The following PTPRG variants were observed in gnomAD, a reference collection of about 807,000 sequenced individuals.
PTPRG encodes protein tyrosine phosphatase receptor type G.
A neutral mutation model predicts 165.3 loss-of-function variants in PTPRG; 102 were observed. That is an observed-to-expected ratio of 0.62 (90% CI 0.53 to 0.73). The LOEUF is 0.73. Among genes scored for constraint, PTPRG ranks in the 30% least tolerant of loss-of-function variants. The pLI is 0.00. For missense variants in PTPRG, 1,866 were observed against 1,861.4 expected (o/e 1.00, Z -0.05); for synonymous variants, 675 against 669.5 (o/e 1.01, Z -0.13).
At chr3:62,281,069 C>G (rs1041130214) in intron 26 of PTPRG, among the ~76,000 whole-genome samples, 13 of 151,944 alleles carry the variant, frequency 8.6e-5, no homozygotes, top group Admixed American at 8.5e-4. Flanking sequence ...TTATAGTAAC[C>G]TTTTTACTAT....
At position 62,214,180 on chromosome 3, in the gene PTPRG, C is replaced by A. The variant is rs751600058; in HGVS notation, c.2156-4671C>A. 2.0e-5 allele frequency among the ~76,000 whole-genome samples: 3 copies of A among 152,206 alleles called. No individual in the cohort carries two copies. The highest frequency in any genetic ancestry group is 2.9e-5 in the Non-Finnish European group (2 of 68,046). ...GTTCTGTATGACTGCCACTTACACA[C>A]TCAGATGTTACAGAGAGGAGTCAGA... is the stretch of plus-strand genomic sequence containing the variant. On this transcript the variant is annotated intron_variant, in intron 12 of 29. Transcript: ENST00000474889. This position sits in a 1 kb window ranked among gnomAD's most constrained non-coding sequence, Gnocchi z 5.2.
chr3:62,124,563 A>G (rs1467497623), intron 5 of PTPRG: 2 of 1,374,062 alleles, frequency 1.5e-6, no homozygotes, highest in South Asian at 1.2e-5. Flanking sequence ...CGGTGGTCCA[A>G]CAGGCTGTTT....
At chr3:62,001,374 A>G (rs546038829) in intron 3 of PTPRG, among the ~76,000 whole-genome samples, 1 of 152,322 alleles carries the variant, frequency 6.6e-6, no homozygotes, top group South Asian at 2.1e-4. Flanking sequence ...AAAATCAAAT[A>G]TTTATAAGAT....
intron 2 of PTPRG, among the ~76,000 whole-genome samples, chr3:61,867,831 G>T (rs1277396659): frequency 2.6e-5 from 4 of 152,170 alleles, no homozygotes; most frequent in Non-Finnish European, 5.9e-5. Flanking sequence ...CTTAACCTTT[G>T]TAAGGTGAGG....
intron 8 of PTPRG, among the ~76,000 whole-genome samples, chr3:62,178,087 A>G (rs1327169592): frequency 6.6e-6 from 1 of 152,038 alleles, no homozygotes; most frequent in Non-Finnish European, 1.5e-5. Flanking sequence ...ATGTGAATCC[A>G]TGGATGGATA....
chr3:61,879,134 T>C (rs1052041695), intron 2 of PTPRG, among the ~76,000 whole-genome samples: 3 of 152,212 alleles, frequency 2.0e-5, no homozygotes, highest in Non-Finnish European at 2.9e-5. Context: ...GTGTAAAAAT[T>C]GCTCAGAAAA....
intron 4 of PTPRG, among the ~76,000 whole-genome samples, chr3:62,032,622 A>T (rs552078500): frequency 1.3e-5 from 2 of 152,216 alleles, no homozygotes; most frequent in Admixed American, 1.3e-4. Context: ...AGCAGGATTT[A>T]CTCCTGAGTT....
intron 4 of PTPRG, among the ~76,000 whole-genome samples, chr3:62,034,340 G>A (rs1253823122): frequency 3.9e-5 from 6 of 152,182 alleles, no homozygotes; most frequent in East Asian, 3.8e-4. Flanking sequence ...GGAAACCTGC[G>A]GTGTTGGTAT....
chr3:62,197,001 G>A (rs1026692510), intron 10 of PTPRG, among the ~76,000 whole-genome samples: 5 of 152,186 alleles, frequency 3.3e-5, no homozygotes, highest in African/African-American at 1.2e-4. Flanking sequence ...GGCAGGGGGC[G>A]TTATCCAGGA....
At chr3:61,875,669 C>G (rs2037719700) in intron 2 of PTPRG, among the ~76,000 whole-genome samples, 1 of 152,128 alleles carries the variant, frequency 6.6e-6, no homozygotes, top group Admixed American at 6.5e-5. Flanking sequence ...CACACACACA[C>G]ACAGCACACA....
At chr3:61,610,856 G>C (rs2106872457) in intron 1 of PTPRG, among the ~76,000 whole-genome samples, 1 of 148,966 alleles carries the variant, frequency 6.7e-6, no homozygotes, top group Admixed American at 6.7e-5. Context: ...GCCCAGGCTG[G>C]AGTGCAATTG....
intron 2 of PTPRG, among the ~76,000 whole-genome samples, chr3:61,792,515 C>T (rs1575667152): frequency 1.3e-5 from 2 of 152,282 alleles, no homozygotes; most frequent in South Asian, 2.1e-4. Context: ...GTTGAGCCTA[C>T]ACTTAGTGGG....
At position 61,758,262 on chromosome 3, in the gene PTPRG, C is replaced by T. The variant is rs115487835; in HGVS notation, c.190+9280C>T. Among the ~76,000 whole-genome samples the T allele has an allele frequency of 5.5e-3, 830 of 152,246 alleles. 6 individuals are homozygous for T. The highest frequency in any genetic ancestry group is 0.019 in the African/African-American group (786 of 41,546). On this transcript the variant is annotated intron_variant, in intron 2 of 29. Transcript: ENST00000474889. ...TTAGCCTCTCAAAGTGCTGGGATTA[C>T]AGGCATGAGTCAGGGTACCCACCTA... is the stretch of plus-strand genomic sequence containing the variant.
Position 61,628,091 on chromosome 3 carries a change from AT to A in PTPRG, c.85+65721del, listed in dbSNP as rs534320825. Among the ~76,000 whole-genome samples the A allele has an allele frequency of 7.9e-5, 12 of 152,314 alleles. No individual in the cohort carries two copies. The East Asian group carries it at 2.3e-3, about 29-fold the overall frequency. On this transcript the variant is annotated intron_variant, in intron 1 of 29. Coordinates refer to ENST00000474889, the MANE Select transcript of PTPRG (RefSeq NM_002841.4). ...ATATCCCTAGTCTCAACATTAAGCCATTATTTCCATATTGCATCGTCTTTCA... is the reference window on the plus strand; with the variant it reads ...ATATCCCTAGTCTCAACATTAAGCCATATTTCCATATTGCATCGTCTTTCA...
At chr3:61,912,328 G>A (rs2038822791) in intron 2 of PTPRG, among the ~76,000 whole-genome samples, 1 of 152,062 alleles carries the variant, frequency 6.6e-6, no homozygotes, top group South Asian at 2.1e-4. Flanking sequence ...CTAGCCCACT[G>A]AGAAGGTAGG....
intron 2 of PTPRG, among the ~76,000 whole-genome samples, chr3:61,830,892 G>A (rs1260327446): frequency 6.6e-6 from 1 of 152,184 alleles, no homozygotes; most frequent in Non-Finnish European, 1.5e-5. Context: ...TCTTTATCGG[G>A]AGGTATAAAT....
chr3:61,579,442 C>G (rs960889454), intron 1 of PTPRG, among the ~76,000 whole-genome samples: 2 of 152,214 alleles, frequency 1.3e-5, no homozygotes, highest in African/African-American at 4.8e-5. Context: ...CTAACACAAA[C>G]CATTTTTTGA....
At chr3:62,072,164 G>C (rs1005567057) in intron 4 of PTPRG, among the ~76,000 whole-genome samples, 1 of 152,164 alleles carries the variant, frequency 6.6e-6, no homozygotes, top group Non-Finnish European at 1.5e-5. Flanking sequence ...TATCACACTA[G>C]TACCTTACAA....
intron 2 of PTPRG, among the ~76,000 whole-genome samples, chr3:61,955,063 A>G (rs1377941177): frequency 6.6e-6 from 1 of 152,208 alleles, no homozygotes; most frequent in Admixed American, 6.5e-5. Flanking sequence ...TTAATCTAAC[A>G]TTAACCTCCA....
Sources: allele counts gnomAD v4.1 joint callset (sites outside exome capture counted in the v4.1 genomes callset), GRCh38; gene constraint gnomAD v4.1.1; non-coding constraint Gnocchi (gnomAD v3.1); transcripts MANE v1.5; gene names NCBI Gene and HGNC (gene_info 2026-07-23, HGNC 2026-07-21).